The following ADARB2 variants were observed in gnomAD, a reference collection of about 807,000 sequenced individuals.
ADARB2 encodes inactive double-stranded RNA-specific editase B2.
In ADARB2, 25 loss-of-function variants were observed where a neutral mutation model predicts 62.2. That is an observed-to-expected ratio of 0.40 (90% CI 0.29 to 0.56). ADARB2 has a LOEUF of 0.56. Among genes scored for constraint, ADARB2 ranks in the 20% least tolerant of loss-of-function variants. ADARB2 has a pLI of 0.43. For synonymous variants in ADARB2, 572 were observed against 500.8 expected, an observed-to-expected ratio of 1.14 and a Z score of -1.90; for missense variants, 1,071 against 1,077.4, an observed-to-expected ratio of 0.99 and a Z score of 0.08.
Position 1,708,720 on chromosome 10 carries a change from T to C in ADARB2, c.100+28331A>G, listed in dbSNP as rs12412881. Among the ~76,000 whole-genome samples, 2,189 of 152,286 alleles carry C rather than the reference T, an allele frequency of 0.014. 139 individuals carry two copies. The East Asian group carries it at 0.18, about 13-fold the overall frequency. ...TCTGTAAAATGGGAATAGTAGCATC[T>C]CCCTCCTGGGGTCACAGTGAGGATT... On this transcript the variant is annotated intron_variant, in intron 1 of 9. Coordinates refer to ENST00000381312, the MANE Select transcript of ADARB2 (RefSeq NM_018702.4).
chr10:1,405,629 CAAA>C lies in ADARB2; in HGVS notation c.101-26472_101-26470del, dbSNP rs3029747. ...CCTGGAAGAGTGTGAGATTCAGTCT[CAAA>C]AAAAAAAAAAAAAAAAAAAAATTTA... is the stretch of plus-strand genomic sequence containing the variant. On this transcript the variant is annotated intron_variant, in intron 1 of 9. Coordinates refer to ENST00000381312, the MANE Select transcript of ADARB2 (RefSeq NM_018702.4). Among the ~76,000 whole-genome samples, 651 of 86,918 alleles carry C rather than the reference CAAA, an allele frequency of 7.5e-3. 5 individuals carry two copies. Among genetic ancestry groups the C allele is most frequent in the African/African-American group, 0.026 (619 of 23,376 alleles). 57.0% of individuals were successfully genotyped at this position (86,918 alleles called of 152,430 possible).
chr10:1,666,947 C>A (rs930860287), intron 1 of ADARB2, among the ~76,000 whole-genome samples: 1 of 152,178 alleles, frequency 6.6e-6, no homozygotes, highest in Non-Finnish European at 1.5e-5. Context: ...TGTTTACGTA[C>A]TTTCAGAATT....
intron 3 of ADARB2, among the ~76,000 whole-genome samples, chr10:1,301,200 T>C (rs532903432): frequency 1.3e-4 from 20 of 152,370 alleles, no homozygotes; most frequent in African/African-American, 4.8e-4. Flanking sequence ...CACACGGTTA[T>C]GGACTCTGTG....
At chr10:1,585,907 G>A (rs113241456) in intron 1 of ADARB2, among the ~76,000 whole-genome samples, 24,112 of 152,054 alleles carry the variant, frequency 0.16, 2,025 homozygotes, top group Non-Finnish European at 0.19. Context: ...GGTGGCGGGC[G>A]GCTGTAGTCC....
intron 1 of ADARB2, among the ~76,000 whole-genome samples, chr10:1,537,120 A>G (rs1369171479): frequency 2.0e-5 from 3 of 152,230 alleles, no homozygotes; most frequent in Non-Finnish European, 2.9e-5. Flanking sequence ...TTACAAGAAA[A>G]AAACAAACAA....
At position 1,178,150 on chromosome 10, in the gene ADARB2, T is replaced by TC. The variant is rs36093407; in HGVS notation, c.*5042_*5043insG. 37,270 of 71,550 alleles carry TC rather than the reference T, an allele frequency of 0.52. 4,597 individuals are homozygous for TC. The highest frequency in any genetic ancestry group is 0.59 in the Middle Eastern group (95 of 162). 4.4% of individuals were successfully genotyped at this position (71,550 alleles called of 1,614,324 possible). On this transcript the variant is annotated 3_prime_UTR_variant, in exon 10 of 10. Coordinates refer to ENST00000381312, the MANE Select transcript of ADARB2 (RefSeq NM_018702.4). ...ATGAACCTGTTGTGTGGATCCCTCG[T>TC]GGGGGGATGGTGCCTGAGACCTCCT...
At chr10:1,572,319 G>T (rs1449689430) in intron 1 of ADARB2, among the ~76,000 whole-genome samples, 1 of 152,190 alleles carries the variant, frequency 6.6e-6, no homozygotes, top group Non-Finnish European at 1.5e-5. Flanking sequence ...GCGTGTGCAG[G>T]TGAGTGGGCA....
Position 1,207,204 on chromosome 10 carries a change from G to A in ADARB2, c.1683-7057C>T, listed in dbSNP as rs150726450. On this transcript the variant is annotated intron_variant, in intron 7 of 9. Coordinates refer to ENST00000381312, the MANE Select transcript of ADARB2 (RefSeq NM_018702.4). ...TCTACTAAAAATACAAAAATTAGCCGGGAATGGTGGTGTACGCCTGTAATC... is the reference window on the plus strand; with the variant it reads ...TCTACTAAAAATACAAAAATTAGCCAGGAATGGTGGTGTACGCCTGTAATC... 5.0e-3 allele frequency among the ~76,000 whole-genome samples: 755 copies of A among 152,126 alleles called. 7 individuals are homozygous for A. Among genetic ancestry groups the A allele is most frequent in the African/African-American group, 0.017 (714 of 41,490 alleles).
chr10:1,560,472 CACCCT>C (rs1260717686), intron 1 of ADARB2, among the ~76,000 whole-genome samples: 8 of 149,904 alleles, frequency 5.3e-5, no homozygotes, highest in Admixed American at 1.3e-4. Flanking sequence ...ACACGGGGGG[CACCCT>C]GGGTCGTCAC....
chr10:1,615,566 C>A (rs2132023406), intron 1 of ADARB2, among the ~76,000 whole-genome samples: 1 of 152,364 alleles, frequency 6.6e-6, no homozygotes, highest in East Asian at 1.9e-4. Flanking sequence ...TCAGAAGGCA[C>A]AGAACGCACA....
At chr10:1,420,685 C>G (rs1325267123) in intron 1 of ADARB2, among the ~76,000 whole-genome samples, 1 of 151,614 alleles carries the variant, frequency 6.6e-6, no homozygotes, top group Non-Finnish European at 1.5e-5. Context: ...GAGCACAGCG[C>G]TGACAGAGAG....
chr10:1,405,421 G>C (rs942860548), intron 1 of ADARB2, among the ~76,000 whole-genome samples: 1 of 152,096 alleles, frequency 6.6e-6, no homozygotes, highest in African/African-American at 2.4e-5. Flanking sequence ...AATGTGGTCA[G>C]GAGTTCGGGA....
intron 1 of ADARB2, among the ~76,000 whole-genome samples, chr10:1,471,088 C>T (rs1195044782): frequency 6.6e-6 from 1 of 152,090 alleles, no homozygotes; most frequent in Non-Finnish European, 1.5e-5. Flanking sequence ...CAAAAAACAC[C>T]TCCCATTTCT....
intron 6 of ADARB2, among the ~76,000 whole-genome samples, chr10:1,223,826 C>T (rs552891809): frequency 4.6e-5 from 7 of 152,006 alleles, no homozygotes; most frequent in Non-Finnish European, 7.4e-5. Context: ...TCGTTTTGCC[C>T]GTATTTTATT....
At chr10:1,187,800 C>A in intron 8 of ADARB2, 2 of 404,290 alleles carry the variant, frequency 4.9e-6, no homozygotes, top group South Asian at 3.5e-5. Context: ...GAGGCGCTGG[C>A]GGGTGGGCTG....
intron 1 of ADARB2, among the ~76,000 whole-genome samples, chr10:1,683,022 C>G (rs1834558439): frequency 6.6e-6 from 1 of 152,186 alleles, no homozygotes; most frequent in Non-Finnish European, 1.5e-5. Context: ...TGTCATTCAT[C>G]ACAGCTTCAT....
At chr10:1,200,750 C>T (rs944052633) in intron 7 of ADARB2, among the ~76,000 whole-genome samples, 3 of 152,168 alleles carry the variant, frequency 2.0e-5, no homozygotes, top group African/African-American at 7.2e-5. Context: ...AGAGCACTGA[C>T]ATTTTTTCCC....
rs181122567 is a variant in ADARB2, at chr10:1,335,024, G to A, written c.1077+28004C>T. On this transcript the variant is annotated intron_variant, in intron 3 of 9. Coordinates refer to ENST00000381312, the MANE Select transcript of ADARB2 (RefSeq NM_018702.4). ...CAAGATAGTATGGTTTGGTAGCTCT[G>A]GGTTAAGTGCCCAGGAGCTACATTT... is the stretch of plus-strand genomic sequence containing the variant. 2.8e-4 allele frequency among the ~76,000 whole-genome samples: 43 copies of A among 152,312 alleles called. 1 individual carries two copies. Among genetic ancestry groups the A allele is most frequent in the African/African-American group, 8.9e-4 (37 of 41,566 alleles).
chr10:1,584,171 C>T (rs1833144039), intron 1 of ADARB2, among the ~76,000 whole-genome samples: 2 of 151,916 alleles, frequency 1.3e-5, no homozygotes, highest in African/African-American at 4.8e-5. Context: ...CACGGTAGAA[C>T]CCAACATCAA....
Sources: allele counts gnomAD v4.1 joint callset (sites outside exome capture counted in the v4.1 genomes callset), GRCh38; gene constraint gnomAD v4.1.1; transcripts MANE v1.5; gene names NCBI Gene and HGNC (gene_info 2026-07-23, HGNC 2026-07-21).